Variants in TNR observed in about 807,000 individuals in gnomAD.
The protein encoded by TNR is tenascin-R.
TNR carries 45 observed loss-of-function variants against 150.4 expected under a neutral mutation model. The ratio of observed to expected loss-of-function variants is 0.30; its 90% CI spans 0.24 to 0.38. The LOEUF is 0.38. Among genes scored for constraint, TNR ranks in the 10% least tolerant of loss-of-function variants. The probability of loss-of-function intolerance (pLI) is 1.00; values close to 1 mark genes in which losing one functional copy is unlikely to be tolerated. For missense variants in TNR, 1,544 were observed against 1,759.1 expected (o/e 0.88, Z 2.19); for synonymous variants, 687 against 678.4 (o/e 1.01, Z -0.20).
Position 175,397,079 on chromosome 1 carries a change from GACTGTCGTTGA to G in TNR, c.977-283_977-273del, listed in dbSNP as rs531045186. 1.2e-4 allele frequency among the ~76,000 whole-genome samples: 18 copies of G among 152,270 alleles called. 1 individual carries two copies. The South Asian group carries it at 3.7e-3, about 32-fold the overall frequency. ...TGTCAAATTTTCAGGACTGTTTCAA[GACTGTCGTTGA>G]ATACAGCCATTATTAAAGATTCAAT... On this transcript the variant is annotated intron_variant, in intron 4 of 22. Coordinates refer to ENST00000367674, the MANE Select transcript of TNR (RefSeq NM_003285.3).
chr1:175,362,864 C>T (rs1210833185), intron 13 of TNR, 55 bp from the exon 14 acceptor site: 9 of 1,607,586 alleles, frequency 5.6e-6, no homozygotes, highest in South Asian at 3.3e-5. Flanking sequence ...ATCCAAGCAG[C>T]CCATGGTACA....
At chr1:175,391,655 T>C (rs1653176140) in intron 6 of TNR, among the ~76,000 whole-genome samples, 1 of 152,092 alleles carries the variant, frequency 6.6e-6, no homozygotes, top group Non-Finnish European at 1.5e-5. Context: ...ATTTGGCAAA[T>C]GGAGGATCAA....
chr1:175,491,884 C>T (rs569021764), intron 2 of TNR, among the ~76,000 whole-genome samples: 109 of 151,798 alleles, frequency 7.2e-4, no homozygotes, highest in African/African-American at 2.4e-3. Context: ...CTCCTGACCT[C>T]GTGATCCGCC....
Position 175,648,284 on chromosome 1 carries a change from C to T in TNR, c.-165+94942G>A, listed in dbSNP as rs145910774. ...TTTTATCTATAGTAAGCACTTAATA[C>T]GTGCTCAATGGATATAGGACTCTAA... On this transcript the variant is annotated intron_variant, in intron 1 of 22. Coordinates refer to ENST00000367674, the MANE Select transcript of TNR (RefSeq NM_003285.3). 5.9e-3 allele frequency among the ~76,000 whole-genome samples: 903 copies of T among 152,212 alleles called. 12 individuals are homozygous for T. The highest frequency in any genetic ancestry group is 0.021 in the African/African-American group (858 of 41,518).
At chr1:175,515,913 A>G (rs913342705) in intron 2 of TNR, among the ~76,000 whole-genome samples, 3 of 152,272 alleles carry the variant, frequency 2.0e-5, no homozygotes, top group South Asian at 2.1e-4. Flanking sequence ...TTGAAAAAGT[A>G]TGAAGAAAAT....
chr1:175,701,638 G>A (rs1571768147), intron 1 of TNR, among the ~76,000 whole-genome samples: 1 of 152,242 alleles, frequency 6.6e-6, no homozygotes, highest in East Asian at 1.9e-4. Flanking sequence ...GAGTGGCTGA[G>A]CCAGAACTCA....
At chr1:175,590,584 C>T (rs922637950) in intron 1 of TNR, among the ~76,000 whole-genome samples, 2 of 152,134 alleles carry the variant, frequency 1.3e-5, no homozygotes, top group Admixed American at 1.3e-4. Flanking sequence ...ACAAATATTT[C>T]TATAATAGAA....
At chr1:175,327,549 T>C (rs1487177609) in intron 21 of TNR, among the ~76,000 whole-genome samples, 2 of 152,156 alleles carry the variant, frequency 1.3e-5, no homozygotes, top group African/African-American at 4.8e-5. Context: ...AGTGCTACCA[T>C]GTTAAGACTG....
chr1:175,333,065 C>T (rs1571304105), intron 20 of TNR, among the ~76,000 whole-genome samples: 1 of 152,190 alleles, frequency 6.6e-6, no homozygotes, highest in Non-Finnish European at 1.5e-5. Flanking sequence ...AAGCATGAAA[C>T]ACTTCCTAAT....
intron 1 of TNR, among the ~76,000 whole-genome samples, chr1:175,638,937 A>G (rs1163585712): frequency 6.6e-6 from 1 of 152,170 alleles, no homozygotes; most frequent in Non-Finnish European, 1.5e-5. Flanking sequence ...GGGTTGCCCA[A>G]ACCAAAATCT....
chr1:175,473,508 C>T (rs1332514244), intron 2 of TNR, among the ~76,000 whole-genome samples: 1 of 152,168 alleles, frequency 6.6e-6, no homozygotes, highest in Non-Finnish European at 1.5e-5. Flanking sequence ...GGAATGGAAG[C>T]TCTAGGATGG....
rs372544033 is a variant in TNR, at chr1:175,617,550, CAT to C, written c.-164-89183_-164-89182del. Among the ~76,000 whole-genome samples the C allele has an allele frequency of 9.2e-3, 1,399 of 152,262 alleles. 23 individuals are homozygous for C. The highest frequency in any genetic ancestry group is 0.03 in the African/African-American group (1,246 of 41,534). ...TCGGGATGGCCTAAAGCCTTCTATT[CAT>C]AGTGTGGTGTGAGACCAGCCACATC... is the stretch of plus-strand genomic sequence containing the variant. On this transcript the variant is annotated intron_variant, in intron 1 of 22. Coordinates refer to ENST00000367674, the MANE Select transcript of TNR (RefSeq NM_003285.3).
At chr1:175,643,254 C>A (rs992181081) in intron 1 of TNR, among the ~76,000 whole-genome samples, 13 of 152,290 alleles carry the variant, frequency 8.5e-5, no homozygotes, top group African/African-American at 2.9e-4. Context: ...GCTCCATGCT[C>A]CTCTCAGTTG....
intron 2 of TNR, among the ~76,000 whole-genome samples, chr1:175,429,442 G>C (rs1278955642): frequency 1.3e-5 from 2 of 152,160 alleles, no homozygotes; most frequent in African/African-American, 4.8e-5. Context: ...TCTTGTTTCA[G>C]TTTCCTCATC....
chr1:175,478,015 G>A (rs1380215228), intron 2 of TNR, among the ~76,000 whole-genome samples: 1 of 152,156 alleles, frequency 6.6e-6, no homozygotes, highest in African/African-American at 2.4e-5. Flanking sequence ...CACTTGCTGG[G>A]CGCTCAAAGA....
intron 1 of TNR, among the ~76,000 whole-genome samples, chr1:175,682,686 T>C (rs114126860): frequency 0.015 from 2,265 of 152,114 alleles, 70 homozygotes; most frequent in African/African-American, 0.051. Flanking sequence ...CGGATGTCAG[T>C]TCTGCTCCCT....
At chr1:175,364,955 A>C (rs987038003) in intron 12 of TNR, 55 bp downstream of exon 12, 297 of 1,535,062 alleles carry the variant, frequency 1.9e-4, no homozygotes, top group Admixed American at 4.9e-4. Flanking sequence ...TTGATTTGTC[A>C]AAGGCTACTG....
intron 2 of TNR, among the ~76,000 whole-genome samples, chr1:175,513,344 C>T (rs1181271877): frequency 6.6e-6 from 1 of 152,162 alleles, no homozygotes; most frequent in Non-Finnish European, 1.5e-5. Flanking sequence ...TAGTGATCTA[C>T]CTGCTTGCAA....
chr1:175,321,690 C>G lies in TNR; in HGVS notation c.*1667G>C, dbSNP rs1418970318. ...TAAGATCAAATTGTGCTAGTGAAGA[C>G]AGTGCATCTCATAAAATGGGAAGTA... On this transcript the variant is annotated 3_prime_UTR_variant, in exon 23 of 23. Coordinates refer to ENST00000367674, the MANE Select transcript of TNR (RefSeq NM_003285.3). 2.0e-5 allele frequency: 3 copies of G among 152,228 alleles called. No individual in the cohort carries two copies. Among genetic ancestry groups the G allele is most frequent in the African/African-American group, 7.2e-5 (3 of 41,450 alleles). 9.4% of individuals were successfully genotyped at this position (152,228 alleles called of 1,614,324 possible). A position where few individuals can be genotyped will look rare whatever the true frequency, so the allele number is the denominator to read the frequency against.
Sources: allele counts gnomAD v4.1 joint callset (sites outside exome capture counted in the v4.1 genomes callset), GRCh38; gene constraint gnomAD v4.1.1; transcripts MANE v1.5; gene names NCBI Gene and HGNC (gene_info 2026-07-23, HGNC 2026-07-21).